Variants in THY1 observed in about 807,000 individuals in gnomAD.
THY1 encodes thy-1 membrane glycoprotein.
In THY1, 10 loss-of-function variants were observed where a neutral mutation model predicts 14.9. The observed-to-expected ratio is 0.67, with a 90% CI of 0.41 to 1.14. The LOEUF (loss-of-function observed/expected upper bound fraction) is 1.14. Ranked by LOEUF, THY1 falls within the 50% of genes most tolerant of loss-of-function variation. The pLI is 0.00. For synonymous variants in THY1, 80 were observed against 90.0 expected, an observed-to-expected ratio of 0.89 and a Z score of 0.63; for missense variants, 159 against 202.1, an observed-to-expected ratio of 0.79 and a Z score of 1.29.
At position 119,419,481 on chromosome 11, in the gene THY1, T is replaced by C. The variant is rs1861852392; in HGVS notation, c.413A>G (p.Gln138Arg). 3 of 1,613,594 alleles carry C rather than the reference T, an allele frequency of 1.9e-6. No individual in the cohort carries two copies. The highest frequency in any genetic ancestry group is 2.5e-6 in the Non-Finnish European group (3 of 1,180,020). The change falls in exon 4 of 4, where the codon CAG becomes CGG. Residue 138 changes from glutamine to arginine, a missense_variant. Gln to Arg is a conservative substitution (Grantham distance 43). Transcript: ENST00000284240. ...VKCEGISLLA[Q>R]NTSWLLLLLL... ...GAGCAGCAGCAGCCACGAGGTGTTCTGAGCCAGCAGGCTGATGCCCTCACA... is the reference window on the plus strand; with the variant it reads ...GAGCAGCAGCAGCCACGAGGTGTTCCGAGCCAGCAGGCTGATGCCCTCACA...
chr11:119,424,288 C>A (rs1861976277), upstream of THY1, among the ~76,000 whole-genome samples: 1 of 152,232 alleles, frequency 6.6e-6, no homozygotes, highest in African/African-American at 2.4e-5. Context: ...TGATGACTTT[C>A]TCTCACTCAC....
chr11:119,424,298 C>A (rs1455552242), upstream of THY1, among the ~76,000 whole-genome samples: 13 of 152,220 alleles, frequency 8.5e-5, no homozygotes, highest in African/African-American at 3.1e-4. Context: ...CTCTCACTCA[C>A]AGGTGTAGTG....
upstream of THY1, among the ~76,000 whole-genome samples, chr11:119,424,420 A>G (rs45509597): frequency 2.0e-5 from 3 of 151,982 alleles, no homozygotes; most frequent in Non-Finnish European, 4.4e-5. Context: ...CTGTTCTCCT[A>G]TTTCTTCATG....
upstream of THY1, among the ~76,000 whole-genome samples, chr11:119,424,616 C>T (rs1307522804): frequency 1.3e-5 from 2 of 152,098 alleles, no homozygotes; most frequent in Non-Finnish European, 2.9e-5. Context: ...CTTTGGTAAA[C>T]TGCAGAGGTT....
rs151091095 is a variant in THY1 at position 119,419,222 on chromosome 11, A to G, written c.*186T>C. On this transcript the variant is annotated 3_prime_UTR_variant, in exon 4 of 4. Coordinates refer to ENST00000284240, the MANE Select transcript of THY1 (RefSeq NM_006288.5). ...AAAAGACAGCCAGAGGTGTGCGGAG[A>G]GGGTGAGGTGGCCGCGTGGACGTGG... 3,139 of 669,802 alleles carry G rather than the reference A, an allele frequency of 4.7e-3. 13 individuals carry two copies. The highest frequency in any genetic ancestry group is 7.7e-3 in the Non-Finnish European group (2,739 of 357,386). The allele number at this position is 669,802 out of a possible 1,614,324, so 41.5% of individuals were successfully genotyped here.
rs1861779325 is a variant in THY1, at chr11:119,416,429, T to C, written c.*2979A>G. Among the ~76,000 whole-genome samples the C allele has an allele frequency of 6.6e-6, 1 of 152,360 alleles. No individual in the cohort carries two copies. Among genetic ancestry groups the C allele is most frequent in the South Asian group, 2.1e-4 (1 of 4,828 alleles). On this transcript the variant is annotated 3_prime_UTR_variant, in exon 4 of 4. Coordinates refer to ENST00000284240, the MANE Select transcript of THY1 (RefSeq NM_006288.5). The stretch of plus-strand genomic sequence containing the variant: ...GGCTGTCGCGGCCTGTGGCTGAAAG[T>C]CTGCGGGCTCCCAGTCCTCAGCATG...
intron 2 of THY1, 143 bp downstream of exon 2, chr11:119,420,726 G>C (rs1313325250): frequency 9.8e-7 from 1 of 1,017,174 alleles, no homozygotes; most frequent in Admixed American, 2.1e-5. Flanking sequence ...GAATATCAGC[G>C]CGGTGGATTG....
chr11:119,416,801 TCTC>T lies in THY1; in HGVS notation c.*2604_*2606del, dbSNP rs1861786597. On this transcript the variant is annotated 3_prime_UTR_variant, in exon 4 of 4. Transcript: ENST00000284240. ...GAGGCCTGATGCCCTGTTCTTCTCT[TCTC>T]CTTTCCGAAGTCCGTGGCCCTCTGG... Among the ~76,000 whole-genome samples, 1 of 152,202 alleles carries T rather than the reference TCTC, an allele frequency of 6.6e-6. No homozygotes were observed. Among genetic ancestry groups the T allele is most frequent in the East Asian group, 1.9e-4 (1 of 5,190 alleles).
chr11:119,424,773 C>G (rs1164021262), upstream of THY1: 5 of 152,140 alleles, frequency 3.3e-5, no homozygotes, highest in African/African-American at 1.2e-4. Flanking sequence ...TGTCCCTCTT[C>G]ATAGGTGAGC....
In THY1 at chr11:119,418,984, C is replaced by T; in HGVS notation, c.*424G>A. 1 of 313,480 alleles carries T rather than the reference C, an allele frequency of 3.2e-6. No homozygotes were observed. Among genetic ancestry groups the T allele is most frequent in the East Asian group, 8.3e-5 (1 of 12,112 alleles). The allele number at this position is 313,480 out of a possible 1,614,324, so 19.4% of individuals were successfully genotyped here. On this transcript the variant is annotated 3_prime_UTR_variant, in exon 4 of 4. Transcript: ENST00000284240. Reference sequence around the variant, plus strand: ...CGTGCTAGGCCCAGGCACAGCCCAACCACTCCTCATCCAAGTCTCTCCCAG... The same window carrying T: ...CGTGCTAGGCCCAGGCACAGCCCAATCACTCCTCATCCAAGTCTCTCCCAG...
At position 119,422,104 on chromosome 11, in the gene THY1, G is replaced by T. The variant is rs980397599; in HGVS notation, c.-25+1009C>A. 3 of 152,322 alleles carry T rather than the reference G, an allele frequency of 2.0e-5. No homozygotes were observed. Among genetic ancestry groups the T allele is most frequent in the African/African-American group, 4.8e-5 (2 of 41,480 alleles). 9.4% of individuals were successfully genotyped at this position (152,322 alleles called of 1,614,324 possible). On this transcript the variant is annotated intron_variant, in intron 1 of 3. Coordinates refer to ENST00000284240, the MANE Select transcript of THY1 (RefSeq NM_006288.5). This position sits in a 1 kb window ranked among gnomAD's most constrained non-coding sequence, Gnocchi z 7.0. ...TTGCCTCGGTTGAGTGCGCCCGGGT[G>T]CGCAGGGCGCACCACTAGACGAGTT... is the stretch of plus-strand genomic sequence containing the variant.
upstream of THY1, chr11:119,423,341 G>T: frequency 2.7e-6 from 1 of 372,656 alleles, no homozygotes; most frequent in South Asian, 2.0e-5. Context: ...AGAGTGGCAG[G>T]TTGCGGCGGA....
upstream of THY1, chr11:119,423,313 C>A: frequency 2.5e-6 from 1 of 393,850 alleles, no homozygotes; most frequent in South Asian, 1.8e-5. Flanking sequence ...GAAGAGAAGG[C>A]GGTCCCGCAT....
Position 119,416,644 on chromosome 11 carries a change from T to C in THY1, c.*2764A>G, listed in dbSNP as rs963583491. Among the ~76,000 whole-genome samples the C allele has an allele frequency of 6.6e-6, 1 of 152,098 alleles. No individual in the cohort carries two copies. On this transcript the variant is annotated 3_prime_UTR_variant, in exon 4 of 4. Coordinates refer to ENST00000284240, the MANE Select transcript of THY1 (RefSeq NM_006288.5). The stretch of plus-strand genomic sequence containing the variant: ...CGCAGGCCACCATGCCTGGCTAATT[T>C]TTGTATTTTTAGTAGAGATAGGGTT...
At chr11:119,423,011 G>A in intron 1 of THY1, 102 bp downstream of exon 1, 1 of 455,796 alleles carries the variant, frequency 2.2e-6, no homozygotes, top group South Asian at 1.5e-5. Flanking sequence ...CTTCTTCCCT[G>A]GGCGCCCTCG....
intron 1 of THY1, chr11:119,421,178 A>C (rs1222816223): frequency 2.4e-6 from 1 of 408,248 alleles, no homozygotes; most frequent in African/African-American, 2.0e-5. Flanking sequence ...AGCACTTACT[A>C]GCTGGGTGAC....
Position 119,420,194 on chromosome 11 carries a change from C to T in THY1, c.230G>A (p.Arg77Gln), listed in dbSNP as rs1314423172. 11 of 1,614,114 alleles carry T rather than the reference C, an allele frequency of 6.8e-6. No individual in the cohort carries two copies. Among genetic ancestry groups the T allele is most frequent in the Admixed American group, 1.7e-5 (1 of 60,010 alleles). Reference protein sequence around the residue: ...VGVPEHTYRSRTNFTSKYNMK... With the variant: ...VGVPEHTYRSQTNFTSKYNMK... ...GTTGTATTTGCTGGTGAAGTTGGTT[C>T]GGGAGCGGTATGTGTGCTCAGGCAC... Residue 77 changes from arginine to glutamine, a missense_variant, in exon 3 of 4, where the codon CGA becomes CAA. Coordinates refer to ENST00000284240, the MANE Select transcript of THY1 (RefSeq NM_006288.5).
At chr11:119,420,832 G>C in intron 2 of THY1, 37 bp downstream of exon 2, 4 of 1,613,580 alleles carry the variant, frequency 2.5e-6, no homozygotes, top group Non-Finnish European at 3.4e-6. Context: ...AGGAAGCCAG[G>C]GCGCCTGGAG....
rs1266500609 is a variant in THY1 at position 119,418,700 on chromosome 11, T to A, written c.*708A>T. 1 of 153,036 alleles carries A rather than the reference T, an allele frequency of 6.5e-6. No homozygotes were observed. 9.5% of individuals were successfully genotyped at this position (153,036 alleles called of 1,614,324 possible). A position where few individuals can be genotyped will look rare whatever the true frequency, so the allele number is the denominator to read the frequency against. ...GATGAACCCTCATCCTTTACCTCCTTCTCCAACCCTCCACTAGCGCTGCTT... is the reference window on the plus strand; with the variant it reads ...GATGAACCCTCATCCTTTACCTCCTACTCCAACCCTCCACTAGCGCTGCTT... On this transcript the variant is annotated 3_prime_UTR_variant, in exon 4 of 4. Transcript: ENST00000284240.
Sources: gnomAD v4.1 joint callset for allele counts (sites outside exome capture counted in the v4.1 genomes callset) on GRCh38, gnomAD v4.1.1 for gene constraint, Gnocchi (gnomAD v3.1) non-coding constraint, MANE v1.5 for transcripts, NCBI Gene and HGNC (gene_info 2026-07-23, HGNC 2026-07-21) for gene names.